NTM: variants seen among roughly 807,000 people sequenced by gnomAD.
The protein encoded by NTM is IgLON family member 2.
NTM carries 13 observed loss-of-function variants against 42.1 expected under a neutral mutation model. That is an observed-to-expected ratio of 0.31 (90% CI 0.20 to 0.49). The LOEUF is 0.49. Ranked by LOEUF, NTM falls within the 20% of genes least tolerant of loss-of-function variation. The probability of loss-of-function intolerance (pLI) is 0.99; values close to 1 mark genes in which losing one functional copy is unlikely to be tolerated. For missense variants in NTM, 373 were observed against 452.8 expected, an observed-to-expected ratio of 0.82 and a Z score of 1.60; for synonymous variants, 187 against 179.2, an observed-to-expected ratio of 1.04 and a Z score of -0.35.
Position 131,623,561 on chromosome 11 carries a change from T to C in NTM, c.82+252673T>C, listed in dbSNP as rs186194059. 2.8e-4 allele frequency among the ~76,000 whole-genome samples: 43 copies of C among 152,342 alleles called. No homozygotes were observed. In the East Asian group the frequency reaches 4.4e-3, roughly 16 times the overall value. On this transcript the variant is annotated intron_variant, in intron 1 of 8. Transcript: ENST00000683400. ...ATGTTTAAATGAAAATTCATTTGGA[T>C]AGCAGCATGCTAGGAGCAAGACAGC...
At chr11:131,993,490 C>T (rs962583718) in intron 2 of NTM, among the ~76,000 whole-genome samples, 1 of 152,116 alleles carries the variant, frequency 6.6e-6, no homozygotes, top group African/African-American at 2.4e-5. Flanking sequence ...GAAATGCCTA[C>T]AGGGCCTCCA....
intron 4 of NTM, among the ~76,000 whole-genome samples, chr11:132,252,637 G>A (rs1360929038): frequency 1.3e-5 from 2 of 152,186 alleles, no homozygotes; most frequent in Non-Finnish European, 2.9e-5. Flanking sequence ...TTGCAGCTTT[G>A]AGATACTTCT....
intron 1 of NTM, among the ~76,000 whole-genome samples, chr11:131,446,552 T>C (rs1343343004): frequency 1.3e-5 from 2 of 152,196 alleles, no homozygotes; most frequent in Non-Finnish European, 2.9e-5. Context: ...GTTTATTCCA[T>C]CCATCCCACC....
chr11:132,100,547 C>G (rs962524669), intron 2 of NTM, among the ~76,000 whole-genome samples: 2 of 152,186 alleles, frequency 1.3e-5, no homozygotes, highest in Non-Finnish European at 2.9e-5. Flanking sequence ...CAGGCCATCT[C>G]CATTAGCTTC....
At chr11:131,751,365 C>T (rs1045899997) in intron 1 of NTM, among the ~76,000 whole-genome samples, 4 of 151,988 alleles carry the variant, frequency 2.6e-5, no homozygotes, top group Middle Eastern at 3.4e-3. Context: ...CTGAGGTGGG[C>T]GGATCACGAG....
chr11:131,788,459 T>A (rs2089629552), intron 1 of NTM, among the ~76,000 whole-genome samples: 2 of 152,292 alleles, frequency 1.3e-5, no homozygotes, highest in East Asian at 3.9e-4. Flanking sequence ...TTTTAAAAAT[T>A]TATTTTAATT....
intron 1 of NTM, among the ~76,000 whole-genome samples, chr11:131,489,850 C>A (rs1359032108): frequency 6.6e-6 from 1 of 152,200 alleles, no homozygotes; most frequent in East Asian, 1.9e-4. Context: ...TACTCTCTGC[C>A]TTAGTCTTTT....
intron 1 of NTM, among the ~76,000 whole-genome samples, chr11:131,696,265 G>C (rs1014719627): frequency 6.6e-6 from 1 of 152,278 alleles, no homozygotes; most frequent in South Asian, 2.1e-4. Flanking sequence ...CACCCGGGGA[G>C]GCCAGCAGGA....
intron 3 of NTM, among the ~76,000 whole-genome samples, chr11:132,206,252 T>G (rs2081975799): frequency 6.6e-6 from 1 of 152,216 alleles, no homozygotes; most frequent in African/African-American, 2.4e-5. Flanking sequence ...CTTCAAATGC[T>G]TGTCACTGCC....
At chr11:131,481,474 G>A (rs544863558) in intron 1 of NTM, among the ~76,000 whole-genome samples, 3 of 152,352 alleles carry the variant, frequency 2.0e-5, no homozygotes, top group South Asian at 4.1e-4. Context: ...GAGAAGAAGG[G>A]GGAGAACTTC....
chr11:131,791,167 AGAGGAG>A (rs1203480266), intron 1 of NTM, among the ~76,000 whole-genome samples: 15 of 152,216 alleles, frequency 9.9e-5, no homozygotes, highest in African/African-American at 3.6e-4. Flanking sequence ...TTAACAAGCA[AGAGGAG>A]GTCAAAGCTA....
intron 1 of NTM, among the ~76,000 whole-genome samples, chr11:131,759,251 C>T (rs975361709): frequency 6.6e-6 from 1 of 152,130 alleles, no homozygotes; most frequent in East Asian, 1.9e-4. Context: ...TTTATAAGAC[C>T]TCTAAAGAAC....
intron 2 of NTM, among the ~76,000 whole-genome samples, chr11:132,047,201 A>G (rs533250267): frequency 6.6e-6 from 1 of 152,240 alleles, no homozygotes; most frequent in Non-Finnish European, 1.5e-5. Flanking sequence ...TTCTAAGAAG[A>G]ATGAGCAGGA....
At chr11:132,281,362 G>A (rs1181224723) in intron 4 of NTM, among the ~76,000 whole-genome samples, 1 of 152,170 alleles carries the variant, frequency 6.6e-6, no homozygotes, top group East Asian at 1.9e-4. Flanking sequence ...ATCTGACAGT[G>A]TCTAGGTAAT....
At chr11:131,483,196 G>A (rs1031766540) in intron 1 of NTM, among the ~76,000 whole-genome samples, 4 of 152,292 alleles carry the variant, frequency 2.6e-5, no homozygotes, top group African/African-American at 9.6e-5. Context: ...CAGGGAGAGT[G>A]GCTTTGCCTC....
chr11:131,661,724 A>G (rs77741516), intron 1 of NTM, among the ~76,000 whole-genome samples: 4,161 of 152,250 alleles, frequency 0.027, 200 homozygotes, highest in African/African-American at 0.094. Flanking sequence ...GCTCTTAAAT[A>G]TAATTGCTTT....
chr11:132,171,313 A>C (rs2076084167), intron 3 of NTM, among the ~76,000 whole-genome samples: 1 of 152,198 alleles, frequency 6.6e-6, no homozygotes, highest in Non-Finnish European at 1.5e-5. Flanking sequence ...AGTACCATAG[A>C]CTGGGTTGCT....
rs963139329 is a variant in NTM at position 131,470,337 on chromosome 11, GC to G, written c.82+99450del. 6.6e-5 allele frequency among the ~76,000 whole-genome samples: 10 copies of G among 152,312 alleles called. No individual in the cohort carries two copies. In the East Asian group the frequency reaches 1.2e-3, roughly 18 times the overall value. Reference sequence around the variant, plus strand: ...AGCAAGGAGGTGCCCTAGAAAAGAAGCTTTTGTCTAACTGTATTAGCCATTT... The same window carrying G: ...AGCAAGGAGGTGCCCTAGAAAAGAAGTTTTGTCTAACTGTATTAGCCATTT... On this transcript the variant is annotated intron_variant, in intron 1 of 8. Coordinates refer to ENST00000683400, the MANE Select transcript of NTM (RefSeq NM_001352005.2).
chr11:131,592,647 AACACACACACACACACACACACACAC>A (rs3040142), intron 1 of NTM, among the ~76,000 whole-genome samples: 1 of 140,688 alleles, frequency 7.1e-6, no homozygotes, highest in Non-Finnish European at 1.5e-5. Flanking sequence ...ACACACCCCA[AACACACACACACACACACACACACAC>A]ACACACACAC....
Sources: allele counts gnomAD v4.1 joint callset (sites outside exome capture counted in the v4.1 genomes callset), GRCh38; gene constraint gnomAD v4.1.1; transcripts MANE v1.5; gene names NCBI Gene and HGNC (gene_info 2026-07-23, HGNC 2026-07-21).